The following SPIDR variants were observed in gnomAD, a reference collection of about 807,000 sequenced individuals.
SPIDR encodes DNA repair-scaffolding protein.
Under a neutral mutation model 104.6 loss-of-function variants are expected in SPIDR, and 93 were observed. The ratio of observed to expected loss-of-function variants is 0.89; its 90% CI spans 0.75 to 1.06. SPIDR has a LOEUF of 1.06. Ranked by LOEUF, SPIDR falls within the 50% of genes least tolerant of loss-of-function variation. SPIDR has a pLI of 0.00. For missense variants in SPIDR, 1,154 were observed against 1,111.2 expected, an observed-to-expected ratio of 1.04 and a Z score of -0.55; for synonymous variants, 431 against 416.9, an observed-to-expected ratio of 1.03 and a Z score of -0.41.
chr8:47,577,059 T>G (rs956844754), intron 8 of SPIDR, among the ~76,000 whole-genome samples: 3 of 152,246 alleles, frequency 2.0e-5, no homozygotes, highest in Non-Finnish European at 4.4e-5. Flanking sequence ...GATGAGATGC[T>G]TAGGAGCCTT....
At chr8:47,607,307 A>G in intron 10 of SPIDR, among the ~76,000 whole-genome samples, 1 of 152,052 alleles carries the variant, frequency 6.6e-6, no homozygotes, top group Non-Finnish European at 1.5e-5. Context: ...TCCCTTAATT[A>G]ATTAGTTCTG....
intron 11 of SPIDR, among the ~76,000 whole-genome samples, chr8:47,683,079 A>G (rs1233700112): frequency 6.6e-6 from 1 of 152,198 alleles, no homozygotes; most frequent in Non-Finnish European, 1.5e-5. Context: ...TTCTGTTTGA[A>G]CTGTGTAGGC....
intron 2 of SPIDR, among the ~76,000 whole-genome samples, chr8:47,280,389 G>A (rs1554557678): frequency 7.5e-6 from 1 of 132,530 alleles, no homozygotes; most frequent in Non-Finnish European, 1.5e-5. Context: ...CGCCGTGCCT[G>A]GCTAATTTTT....
At chr8:47,503,213 A>T (rs2154372260) in intron 8 of SPIDR, among the ~76,000 whole-genome samples, 1 of 152,204 alleles carries the variant, frequency 6.6e-6, no homozygotes, top group South Asian at 2.1e-4. Flanking sequence ...TGTCTCGTTG[A>T]TATATCTAAT....
intron 8 of SPIDR, among the ~76,000 whole-genome samples, chr8:47,575,858 G>A (rs2059048585): frequency 6.7e-6 from 1 of 150,030 alleles, no homozygotes; most frequent in South Asian, 2.1e-4. Flanking sequence ...TACTTAGGAG[G>A]CTGAGGCAGG....
intron 7 of SPIDR, among the ~76,000 whole-genome samples, chr8:47,437,557 C>A (rs1554693165): frequency 1.3e-5 from 2 of 152,086 alleles, no homozygotes; most frequent in African/African-American, 4.8e-5. Context: ...TAAAAAACAA[C>A]CCCATCAAAA....
chr8:47,466,900 A>AATATATAGATAT (rs2074902758), intron 8 of SPIDR, among the ~76,000 whole-genome samples: 2 of 114,368 alleles, frequency 1.7e-5, no homozygotes, highest in African/African-American at 7.2e-5. Context: ...AAAAAAAAAA[A>AATATATAGATAT]ATATATATAT....
intron 7 of SPIDR, among the ~76,000 whole-genome samples, chr8:47,413,121 G>T (rs2063764602): frequency 6.6e-6 from 1 of 152,202 alleles, no homozygotes; most frequent in Non-Finnish European, 1.5e-5. Context: ...GGTTGTGGTG[G>T]ATGGTGAACT....
At chr8:47,307,246 A>G (rs2043243390) in intron 5 of SPIDR, among the ~76,000 whole-genome samples, 1 of 142,226 alleles carries the variant, frequency 7.0e-6, no homozygotes, top group Admixed American at 7.1e-5. Context: ...TTTTTTTTTA[A>G]TGGAGTCTCT....
At chr8:47,699,665 C>T (rs2079862737) in intron 11 of SPIDR, among the ~76,000 whole-genome samples, 1 of 152,126 alleles carries the variant, frequency 6.6e-6, no homozygotes, top group African/African-American at 2.4e-5. Context: ...AGCGATTTTC[C>T]TGCCTCAACC....
intron 10 of SPIDR, among the ~76,000 whole-genome samples, chr8:47,651,195 G>A (rs1282702747): frequency 6.6e-6 from 1 of 152,118 alleles, no homozygotes; most frequent in Non-Finnish European, 1.5e-5. Context: ...CTGTGCATCT[G>A]ACAAAGGACT....
At chr8:47,263,222 A>T (rs1476492848) in intron 1 of SPIDR, among the ~76,000 whole-genome samples, 1 of 152,202 alleles carries the variant, frequency 6.6e-6, no homozygotes, top group Non-Finnish European at 1.5e-5. Context: ...TCAGCCTGTT[A>T]TTCACAGCCT....
At chr8:47,516,406 G>A (rs1393043862) in intron 8 of SPIDR, among the ~76,000 whole-genome samples, 1 of 152,160 alleles carries the variant, frequency 6.6e-6, no homozygotes, top group Non-Finnish European at 1.5e-5. Flanking sequence ...TCCCCGGCAT[G>A]AACTCTGGTG....
In SPIDR at chr8:47,291,111, A is replaced by G. The variant is rs1375942217; in HGVS notation, c.335A>G (p.Asp112Gly). 1.9e-6 allele frequency: 3 copies of G among 1,613,018 alleles called. No homozygotes were observed. Among genetic ancestry groups the G allele is most frequent in the Non-Finnish European group, 2.5e-6 (3 of 1,179,292 alleles). Reference protein sequence around the residue: ...SSSGSDLSDEDKTLSQLQRDE... With the variant: ...SSSGSDLSDEGKTLSQLQRDE... ...AGTGGAAGTGATTTGTCGGATGAAGATAAGACACTTTCTCAGTTACAGAGA... is the reference window on the plus strand; with the variant it reads ...AGTGGAAGTGATTTGTCGGATGAAGGTAAGACACTTTCTCAGTTACAGAGA... The change falls in exon 4 of 20, where the codon GAT becomes GGT. Residue 112 changes from aspartate (D) to glycine (G), a missense_variant. Coordinates refer to ENST00000297423, the MANE Select transcript of SPIDR (RefSeq NM_001080394.4).
At chr8:47,613,681 A>G (rs2063890989) in intron 10 of SPIDR, among the ~76,000 whole-genome samples, 1 of 152,140 alleles carries the variant, frequency 6.6e-6, no homozygotes, top group African/African-American at 2.4e-5. Flanking sequence ...AACCATCCTA[A>G]TGGGTGTGAA....
At chr8:47,357,806 A>T in intron 5 of SPIDR, 5 of 966,578 alleles carry the variant, frequency 5.2e-6, no homozygotes, top group Non-Finnish European at 4.9e-6. Context: ...AATGGAGAGG[A>T]TATAAGGAGA....
At chr8:47,398,076 C>G (rs2061443616) in intron 6 of SPIDR, among the ~76,000 whole-genome samples, 1 of 152,006 alleles carries the variant, frequency 6.6e-6, no homozygotes, top group Admixed American at 6.5e-5. Flanking sequence ...GGCCTTATGC[C>G]CAAAGCGAAG....
chr8:47,508,285 A>G (rs979740753), intron 8 of SPIDR, among the ~76,000 whole-genome samples: 13 of 152,170 alleles, frequency 8.5e-5, no homozygotes, highest in Admixed American at 4.6e-4. Context: ...TTTTCCTGCT[A>G]TTGGGATAGG....
chr8:47,603,324 C>T (rs2062531709), intron 10 of SPIDR, among the ~76,000 whole-genome samples: 1 of 152,120 alleles, frequency 6.6e-6, no homozygotes, highest in Non-Finnish European at 1.5e-5. Context: ...CAGACATCAC[C>T]TTTCTTTCTC....
Sources: gnomAD v4.1 joint callset for allele counts (sites outside exome capture counted in the v4.1 genomes callset) on GRCh38, gnomAD v4.1.1 for gene constraint, MANE v1.5 for transcripts, NCBI Gene and HGNC (gene_info 2026-07-23, HGNC 2026-07-21) for gene names.